The following LUC7L2 variants were observed in gnomAD, a reference collection of about 807,000 sequenced individuals.
LUC7L2 encodes LUC7 like 2, pre-mRNA splicing factor, also known as putative RNA-binding protein Luc7-like 2.
Under a neutral mutation model 52.8 loss-of-function variants are expected in LUC7L2, and 25 were observed. The ratio of observed to expected loss-of-function variants is 0.47; its 90% confidence interval spans 0.34 to 0.66. The LOEUF (loss-of-function observed/expected upper bound fraction) is 0.66, where lower values mean the gene tolerates loss of function less well. LUC7L2 is among the 30% of genes least tolerant of loss of function. The pLI is 0.01. For missense variants in LUC7L2, 328 were observed against 497.8 expected, an observed-to-expected ratio of 0.66 and a Z score of 3.25; for synonymous variants, 144 against 160.9, an observed-to-expected ratio of 0.89 and a Z score of 0.80.
chr7:139,420,677 TG>T (rs1795858500), intron 9 of LUC7L2, among the ~76,000 whole-genome samples: 2 of 152,358 alleles, frequency 1.3e-5, no homozygotes, highest in South Asian at 4.1e-4. Context: ...TACTGATCAC[TG>T]GGACTGTTTG....
intron 7 of LUC7L2, among the ~76,000 whole-genome samples, chr7:139,412,318 C>G (rs1206799001): frequency 6.6e-6 from 1 of 151,878 alleles, no homozygotes; most frequent in Admixed American, 6.6e-5. Flanking sequence ...GTGTTTTAAT[C>G]TCCTAGGAAC....
At chr7:139,371,192 C>T (rs1800433640) in intron 1 of LUC7L2, among the ~76,000 whole-genome samples, 1 of 152,190 alleles carries the variant, frequency 6.6e-6, no homozygotes, top group Non-Finnish European at 1.5e-5. Flanking sequence ...GCATTCTCCT[C>T]CCTCCTTGTT....
chr7:139,372,058 A>G (rs117431389), intron 1 of LUC7L2, among the ~76,000 whole-genome samples: 2,606 of 152,264 alleles, frequency 0.017, 25 homozygotes, highest in Middle Eastern at 0.024. Flanking sequence ...AAAATGAAAA[A>G]CACCTCACTT....
intron 2 of LUC7L2, among the ~76,000 whole-genome samples, chr7:139,382,568 A>G (rs915353282): frequency 6.6e-6 from 1 of 151,904 alleles, no homozygotes; most frequent in African/African-American, 2.4e-5. Context: ...TTTTTTGTAG[A>G]GACGAAGTTT....
At chr7:139,354,796 A>G (rs373056057) in intron 1 of LUC7L2, among the ~76,000 whole-genome samples, 15 of 152,266 alleles carry the variant, frequency 9.9e-5, no homozygotes, top group African/African-American at 2.6e-4. Context: ...ACTTTAAGCT[A>G]GGACCCTGAA....
chr7:139,413,941 A>G (rs1569394998), intron 8 of LUC7L2, among the ~76,000 whole-genome samples: 1 of 152,256 alleles, frequency 6.6e-6, no homozygotes, highest in Non-Finnish European at 1.5e-5. Context: ...AAGTAGAAAC[A>G]TTAAACTGTG....
chr7:139,359,192 T>TGCTCCCC (rs1346229781), upstream of LUC7L2: 3 of 152,276 alleles, frequency 2.0e-5, no homozygotes, highest in Admixed American at 1.3e-4. Flanking sequence ...GCTGGCTCCC[T>TGCTCCCC]GCTCCCCGAG....
chr7:139,358,770 C>G (rs1799705370), upstream of LUC7L2, among the ~76,000 whole-genome samples: 1 of 152,268 alleles, frequency 6.6e-6, no homozygotes, highest in African/African-American at 2.4e-5. Context: ...CTGCAACCTC[C>G]GTCTCCCGGG....
chr7:139,369,487 A>G (rs1020834960), intron 1 of LUC7L2, among the ~76,000 whole-genome samples: 1 of 152,220 alleles, frequency 6.6e-6, no homozygotes, highest in Non-Finnish European at 1.5e-5. Context: ...TTGTATTAAT[A>G]TAATGAGAGA....
chr7:139,351,767 C>T (rs997332548), intron 1 of LUC7L2, among the ~76,000 whole-genome samples: 2 of 152,232 alleles, frequency 1.3e-5, no homozygotes, highest in Non-Finnish European at 2.9e-5. Context: ...GCTCTTCTTC[C>T]AATCATACTC....
intron 1 of LUC7L2, chr7:139,345,363 A>G (rs1799221238): frequency 7.6e-7 from 1 of 1,315,530 alleles, no homozygotes; most frequent in South Asian, 1.5e-5. Context: ...TGTATTAAGT[A>G]TACATGTATA....
chr7:139,409,942 T>C (rs1054270047), intron 7 of LUC7L2, among the ~76,000 whole-genome samples: 17 of 152,204 alleles, frequency 1.1e-4, no homozygotes, highest in Non-Finnish European at 5.9e-5. Context: ...GCATGGTGGC[T>C]CACGCCTGTA....
chr7:139,343,131 G>A (rs978154789), intron 1 of LUC7L2, among the ~76,000 whole-genome samples: 1 of 152,104 alleles, frequency 6.6e-6, no homozygotes, highest in Admixed American at 6.5e-5. Context: ...AGGCTCAACC[G>A]AATCAAGAGC....
chr7:139,404,751 G>A (rs530748175), intron 4 of LUC7L2, among the ~76,000 whole-genome samples: 3 of 152,198 alleles, frequency 2.0e-5, no homozygotes, highest in African/African-American at 2.4e-5. Context: ...GTTGCCAGGC[G>A]AGTATGCTGA....
intron 3 of LUC7L2, among the ~76,000 whole-genome samples, chr7:139,399,781 T>A (rs1473023381): frequency 2.0e-5 from 3 of 152,078 alleles, no homozygotes; most frequent in Non-Finnish European, 2.9e-5. Flanking sequence ...TTGGGGGATA[T>A]TAAGGACAGT....
intron 1 of LUC7L2, chr7:139,345,555 A>G: frequency 2.5e-6 from 4 of 1,614,054 alleles, no homozygotes; most frequent in South Asian, 1.1e-5. Flanking sequence ...CCAAGCTGCC[A>G]CCTATCTCTG....
chr7:139,415,650 G>C lies in LUC7L2; in HGVS notation c.810-1888G>C, dbSNP rs141092191. On this transcript the variant is annotated intron_variant, in intron 8 of 9. Coordinates refer to ENST00000354926, the MANE Select transcript of LUC7L2 (RefSeq NM_016019.5). ...TGGGACCACAGGCGTGTGCCACCAT[G>C]TCCAGCTAATTTTTAAAAATTTATT... Among the ~76,000 whole-genome samples the C allele has an allele frequency of 4.3e-3, 621 of 142,818 alleles. 2 individuals are homozygous for C. In the Middle Eastern group the frequency reaches 0.054, roughly 12 times the overall value. The allele number at this position is 142,818 out of a possible 152,430, so 93.7% of individuals were successfully genotyped here.
chr7:139,369,672 C>T (rs6950143), intron 1 of LUC7L2, among the ~76,000 whole-genome samples: 58,510 of 152,074 alleles, frequency 0.38, 15,734 homozygotes, highest in African/African-American at 0.77. Context: ...TGGATTTTCA[C>T]AGACAAGTGG....
At chr7:139,381,380 ATTTTATT>A (rs1400117353) in intron 2 of LUC7L2, among the ~76,000 whole-genome samples, 3 of 99,894 alleles carry the variant, frequency 3.0e-5, no homozygotes, top group Middle Eastern at 5.1e-3. Context: ...TTTTATTTTT[ATTTTATT>A]TTTTATTTTA....
Sources: allele counts gnomAD v4.1 joint callset (sites outside exome capture counted in the v4.1 genomes callset), GRCh38; gene constraint gnomAD v4.1.1; transcripts MANE v1.5; gene names NCBI Gene and HGNC (gene_info 2026-07-23, HGNC 2026-07-21).